ANKRD16: variants seen among roughly 807,000 people sequenced by gnomAD.
ANKRD16 encodes ankyrin repeat domain 16.
ANKRD16 carries 35 observed loss-of-function variants against 37.9 expected under a neutral mutation model. The ratio of observed to expected loss-of-function variants is 0.92; its 90% confidence interval spans 0.71 to 1.23. ANKRD16 has a LOEUF of 1.23. Among genes scored for constraint, ANKRD16 ranks in the 50% most tolerant of loss-of-function variants. The probability of loss-of-function intolerance (pLI) is 0.00; values close to 1 mark genes in which losing one functional copy is unlikely to be tolerated. For missense variants in ANKRD16, 480 were observed against 469.9 expected (o/e 1.02, Z -0.20); for synonymous variants, 206 against 197.2 (o/e 1.04, Z -0.37).
At position 5,865,718 on chromosome 10, in the gene ANKRD16, C is replaced by T. The variant is rs1842003459; in HGVS notation, c.*34-3027G>A. Among the ~76,000 whole-genome samples, 1 of 152,194 alleles carries T rather than the reference C, an allele frequency of 6.6e-6. No homozygotes were observed. Among genetic ancestry groups the T allele is most frequent in the Admixed American group, 6.5e-5 (1 of 15,282 alleles). On this transcript the variant is annotated intron_variant, in intron 7 of 7. Transcript: ENST00000380094. This position sits in a 1 kb window ranked among gnomAD's most constrained non-coding sequence, Gnocchi z 4.7. Reference sequence around the variant, plus strand: ...GTTCCACACCCTTATTAGGGAGGGACATATTAGCCAAAGCTGGAGCTATTA... The same window carrying T: ...GTTCCACACCCTTATTAGGGAGGGATATATTAGCCAAAGCTGGAGCTATTA...
At chr10:5,867,793 C>T (rs1179606181) in intron 7 of ANKRD16, among the ~76,000 whole-genome samples, 1 of 152,186 alleles carries the variant, frequency 6.6e-6, no homozygotes, top group Non-Finnish European at 1.5e-5. Flanking sequence ...CAAAGGATTT[C>T]TCAGACAGCT....
intron 5 of ANKRD16, 43 bp downstream of exon 5, chr10:5,882,963 A>G (rs200617214): frequency 2.5e-6 from 4 of 1,597,372 alleles, no homozygotes; most frequent in Non-Finnish European, 3.4e-6. Context: ...GAAGTAAGGC[A>G]AGCCTCAGGG....
chr10:5,867,579 T>C (rs1284472923), intron 7 of ANKRD16, among the ~76,000 whole-genome samples: 1 of 152,148 alleles, frequency 6.6e-6, no homozygotes, highest in African/African-American at 2.4e-5. Flanking sequence ...AAAAGTAAAG[T>C]TTGCTAAAAT....
Position 5,887,881 on chromosome 10 carries a change from C to T in ANKRD16, c.501G>A (p.Glu167=). Residue 167 remains glutamate, a synonymous_variant, in exon 2 of 8, where the codon GAG becomes GAA. Transcript: ENST00000380094. Reference sequence around the variant, plus strand: ...GCAGAGGAGTCCTTCTAATTTTGCTCTCTGTCTTCCAGGCACCTGGGCAAA... The same window carrying T: ...GCAGAGGAGTCCTTCTAATTTTGCTTTCTGTCTTCCAGGCACCTGGGCAAA... The part of the protein sequence containing the change: ...LTVCPGAWKT[E]SKIRRTPLHT... 1 of 1,614,024 alleles carries T rather than the reference C, an allele frequency of 6.2e-7. No individual in the cohort carries two copies.
chr10:5,873,439 G>A (rs558633345), intron 7 of ANKRD16, among the ~76,000 whole-genome samples: 1 of 152,252 alleles, frequency 6.6e-6, no homozygotes, highest in East Asian at 1.9e-4. Context: ...CTCCCAAAGT[G>A]CTGGGATTAT....
chr10:5,889,024 TTCCGCTCCACACCTACCAG>T lies in ANKRD16; in HGVS notation c.312_314+16del. ...CGAGTAGAGGGGAGGCGGGGTGTCT[TTCCGCTCCACACCTACCAG>T]TCGGCCTTCTTCAGGCAGTCGACCG... On this transcript the variant is annotated splice_donor_variant and splice_donor_5th_base_variant and coding_sequence_variant and intron_variant, in exon 1 of 8. Transcript: ENST00000380094. LOFTEE classifies it high-confidence loss of function. 1 of 1,497,338 alleles carries T rather than the reference TTCCGCTCCACACCTACCAG, an allele frequency of 6.7e-7. No individual in the cohort carries two copies. Among genetic ancestry groups the T allele is most frequent in the East Asian group, 2.4e-5 (1 of 41,608 alleles). 92.8% of individuals were successfully genotyped at this position (1,497,338 alleles called of 1,614,324 possible).
chr10:5,872,543 TTTTA>T (rs567276535), intron 7 of ANKRD16, among the ~76,000 whole-genome samples: 233 of 152,096 alleles, frequency 1.5e-3, no homozygotes, highest in Non-Finnish European at 2.4e-3. Flanking sequence ...ACCGTATGCA[TTTTA>T]TTTATTTTTT....
intron 3 of ANKRD16, 137 bp from the exon 4 acceptor site, chr10:5,884,214 C>T: frequency 1.5e-6 from 1 of 653,536 alleles, no homozygotes; most frequent in Admixed American, 2.5e-5. Context: ...TATTCTCCCC[C>T]ATCTCAGTGT....
In ANKRD16 at chr10:5,885,908, C is replaced by A. The variant is rs1842416112; in HGVS notation, c.536-143G>T. Reference sequence around the variant, plus strand: ...ATTAAATTGGGTACACTGTTACCGCCCTACACGAATAAATATTTAACTGGA... The same window carrying A: ...ATTAAATTGGGTACACTGTTACCGCACTACACGAATAAATATTTAACTGGA... On this transcript the variant is annotated intron_variant, in intron 2 of 7. Transcript: ENST00000380094. 5.5e-6 allele frequency: 4 copies of A among 730,152 alleles called. No individual in the cohort carries two copies. In the South Asian group the frequency reaches 5.5e-5, roughly 10 times the overall value. The allele number at this position is 730,152 out of a possible 1,614,324, so 45.2% of individuals were successfully genotyped here. A position where few individuals can be genotyped will look rare whatever the true frequency, so the allele number is the denominator to read the frequency against.
At position 5,869,228 on chromosome 10, in the gene ANKRD16, G is replaced by A. The variant is rs1049212935; in HGVS notation, c.*34-6537C>T. 5.3e-5 allele frequency among the ~76,000 whole-genome samples: 8 copies of A among 152,186 alleles called. No individual in the cohort carries two copies. Among genetic ancestry groups the A allele is most frequent in the South Asian group, 2.1e-4 (1 of 4,832 alleles). On this transcript the variant is annotated intron_variant, in intron 7 of 7. Coordinates refer to ENST00000380094, the MANE Select transcript of ANKRD16 (RefSeq NM_019046.3). The surrounding 1 kb of genome is among the most constrained non-coding windows in gnomAD (Gnocchi z 4.0). ...GAGGGATGTGTTTATTGCCTTGGCC[G>A]TGGTGATAGTTTCCTGGGAGCACAA...
chr10:5,880,865 C>T (rs1172048412), intron 5 of ANKRD16, among the ~76,000 whole-genome samples: 1 of 151,946 alleles, frequency 6.6e-6, no homozygotes, highest in Non-Finnish European at 1.5e-5. Flanking sequence ...TTTTATTTTC[C>T]TTTCACACTT....
At chr10:5,872,765 C>G (rs570195714) in intron 7 of ANKRD16, among the ~76,000 whole-genome samples, 7 of 151,896 alleles carry the variant, frequency 4.6e-5, no homozygotes, top group Non-Finnish European at 7.4e-5. Flanking sequence ...ACCGTGTTAG[C>G]CAAGATGGTC....
intron 7 of ANKRD16, among the ~76,000 whole-genome samples, chr10:5,875,658 G>A (rs546052866): frequency 6.6e-6 from 1 of 151,700 alleles, no homozygotes; most frequent in African/African-American, 2.4e-5. Flanking sequence ...TTATTGTTAT[G>A]GAAACATCTG....
intron 7 of ANKRD16, among the ~76,000 whole-genome samples, chr10:5,877,475 AAAAC>A (rs760692101): frequency 7.0e-4 from 106 of 152,380 alleles, no homozygotes; most frequent in South Asian, 2.1e-3. Context: ...TTTATCTATT[AAAAC>A]AAACAAAAAC....
intron 5 of ANKRD16, 115 bp downstream of exon 5, chr10:5,882,891 A>T: frequency 8.8e-7 from 1 of 1,136,506 alleles, no homozygotes; most frequent in South Asian, 1.6e-5. Flanking sequence ...GAAGAATATC[A>T]TGGGCAATTT....
chr10:5,875,050 G>A (rs753526963), intron 7 of ANKRD16, among the ~76,000 whole-genome samples: 3 of 152,110 alleles, frequency 2.0e-5, no homozygotes, highest in Non-Finnish European at 4.4e-5. Context: ...TGGCAAGCAG[G>A]ACGTCACTGG....
rs764322368 is a variant in ANKRD16, at chr10:5,863,271, G to A, written c.*34-580C>T. Among the ~76,000 whole-genome samples the A allele has an allele frequency of 2.5e-4, 38 of 152,088 alleles. No homozygotes were observed. The highest frequency in any genetic ancestry group is 5.1e-4 in the Non-Finnish European group (35 of 68,014). On this transcript the variant is annotated intron_variant, in intron 7 of 7. Transcript: ENST00000380094. The surrounding 1 kb of genome is among the most constrained non-coding windows in gnomAD (Gnocchi z 4.7). ...CCTCCAGATGGGTGGGCAGCACTGG[G>A]CCTGAGGTGAATGTTACTGTGCTGT...
At position 5,878,240 on chromosome 10, in the gene ANKRD16, G is replaced by T; in HGVS notation, c.976C>A (p.Leu326Ile). 6.2e-7 allele frequency: 1 copy of T among 1,614,142 alleles called. No homozygotes were observed. The highest frequency in any genetic ancestry group is 8.5e-7 in the Non-Finnish European group (1 of 1,180,046). Residue 326 changes from leucine to isoleucine, a missense_variant, in exon 7 of 8, where the codon CTC becomes ATC. Coordinates refer to ENST00000380094, the MANE Select transcript of ANKRD16 (RefSeq NM_019046.3). The surrounding 1 kb of genome is among the most constrained non-coding windows in gnomAD (Gnocchi z 5.1). Reference protein sequence around the residue: ...AGQHLACAKFLLQSGLKDSED... With the variant: ...AGQHLACAKFILQSGLKDSED... ...GAATCCTTCAGTCCCGACTGCAGGA[G>T]AAACTTGGCACAGGCCAAGTGCTGA...
In ANKRD16 at chr10:5,883,174, G is replaced by T; in HGVS notation, c.688-7C>A. On this transcript the variant is annotated splice_region_variant and splice_polypyrimidine_tract_variant and intron_variant, in intron 4 of 7. Coordinates refer to ENST00000380094, the MANE Select transcript of ANKRD16 (RefSeq NM_019046.3). ...CTTCTGCTGAAAGGCAAGCCTAGTG[G>T]GCAGAGGAGAGAAAGGAGCAAAGGT... is the stretch of plus-strand genomic sequence containing the variant. 6.2e-7 allele frequency: 1 copy of T among 1,612,694 alleles called. No homozygotes were observed. Among genetic ancestry groups the T allele is most frequent in the Non-Finnish European group, 8.5e-7 (1 of 1,179,660 alleles).
Sources: gnomAD v4.1 joint callset for allele counts (sites outside exome capture counted in the v4.1 genomes callset) on GRCh38, gnomAD v4.1.1 for gene constraint, Gnocchi (gnomAD v3.1) non-coding constraint, MANE v1.5 for transcripts, NCBI Gene and HGNC (gene_info 2026-07-23, HGNC 2026-07-21) for gene names.